Variants in EPB41L4A observed in about 807,000 individuals in gnomAD.
EPB41L4A encodes band 4.1-like protein 4A.
EPB41L4A carries 100 observed loss-of-function variants against 108.6 expected under a neutral mutation model. The observed-to-expected ratio is 0.92, with a 90% CI of 0.78 to 1.09. The LOEUF is 1.09. Among genes scored for constraint, EPB41L4A ranks in the 50% least tolerant of loss-of-function variants. The probability of loss-of-function intolerance (pLI) is 0.00; values close to 1 mark genes in which losing one functional copy is unlikely to be tolerated. For missense variants in EPB41L4A, 1,030 were observed against 842.7 expected (o/e 1.22, Z -2.75); for synonymous variants, 319 against 289.0 (o/e 1.10, Z -1.05).
At position 112,165,012 on chromosome 5, in the gene EPB41L4A, G is replaced by A. The variant is rs762850623; in HGVS notation, c.2039C>T (p.Ser680Phe). 5 of 1,613,794 alleles carry A rather than the reference G, an allele frequency of 3.1e-6. No homozygotes were observed. Among genetic ancestry groups the A allele is most frequent in the East Asian group, 2.2e-5 (1 of 44,858 alleles). The change falls in exon 23 of 23, where the codon TCC becomes TTC. Residue 680 changes from serine to phenylalanine, a missense_variant. Coordinates refer to ENST00000261486, the MANE Select transcript of EPB41L4A (RefSeq NM_022140.5). Reference sequence around the variant, plus strand: ...GGATCAAGTCTCTGTCTTGAGGCGGGAAGCTTGTATAGTTTTTATTGTTTT... The same window carrying A: ...GGATCAAGTCTCTGTCTTGAGGCGGAAAGCTTGTATAGTTTTTATTGTTTT... Reference protein sequence around the residue: ...TAKTIKTIQASRLKTET With the variant: ...TAKTIKTIQAFRLKTET
chr5:112,261,712 T>C lies in EPB41L4A; in HGVS notation c.642+782A>G, dbSNP rs186286914. ...AAAAATATTTCTATTAATGCAGTGA[T>C]ACCTACAGTAGGTGGTAACCTTCAT... On this transcript the variant is annotated intron_variant, in intron 7 of 22. Coordinates refer to ENST00000261486, the MANE Select transcript of EPB41L4A (RefSeq NM_022140.5). Among the ~76,000 whole-genome samples the C allele has an allele frequency of 7.8e-4, 119 of 152,314 alleles. 1 individual carries two copies. The highest frequency in any genetic ancestry group is 1.4e-3 in the Non-Finnish European group (96 of 68,010).
chr5:112,382,740 A>G (rs1760253871), intron 1 of EPB41L4A, among the ~76,000 whole-genome samples: 1 of 152,218 alleles, frequency 6.6e-6, no homozygotes, highest in South Asian at 2.1e-4. Flanking sequence ...GGGAGCAGCT[A>G]AAAGATACAG....
chr5:112,385,285 T>C (rs1760436831), intron 1 of EPB41L4A, among the ~76,000 whole-genome samples: 1 of 152,060 alleles, frequency 6.6e-6, no homozygotes, highest in East Asian at 1.9e-4. Context: ...AACACATAGA[T>C]TCAACTTGGG....
chr5:112,153,255 G>C (rs944902286), intron 12 of EPB41L4A, among the ~76,000 whole-genome samples: 3 of 151,652 alleles, frequency 2.0e-5, no homozygotes, highest in Non-Finnish European at 2.9e-5. Context: ...GCCGGGCATG[G>C]TGTCTCACGC....
chr5:112,380,157 C>A (rs1363435545), intron 1 of EPB41L4A, among the ~76,000 whole-genome samples: 1 of 152,112 alleles, frequency 6.6e-6, no homozygotes, highest in Non-Finnish European at 1.5e-5. Context: ...CACACAGGAG[C>A]AGTCAGAGGG....
At chr5:112,153,387 G>A (rs1412198086) in intron 12 of EPB41L4A, among the ~76,000 whole-genome samples, 1 of 151,662 alleles carries the variant, frequency 6.6e-6, no homozygotes, top group Non-Finnish European at 1.5e-5. Flanking sequence ...AAATTAGCCT[G>A]GCATGGTGGC....
chr5:112,364,113 T>C (rs442777), intron 1 of EPB41L4A, among the ~76,000 whole-genome samples: 125,800 of 152,196 alleles, frequency 0.83, 52,045 homozygotes, highest in South Asian at 0.93. Context: ...CTGCAAACTC[T>C]GCCTCCTGGG....
intron 12 of EPB41L4A, among the ~76,000 whole-genome samples, chr5:112,211,257 G>T (rs939244292): frequency 1.3e-5 from 2 of 152,106 alleles, no homozygotes; most frequent in Non-Finnish European, 2.9e-5. Context: ...AGTCAGTCTA[G>T]ATTAGGAGTC....
At chr5:112,374,242 T>C (rs527672534) in intron 1 of EPB41L4A, among the ~76,000 whole-genome samples, 7 of 152,300 alleles carry the variant, frequency 4.6e-5, no homozygotes, top group African/African-American at 1.7e-4. Flanking sequence ...TGACAGTGAT[T>C]GGGAGTGGAA....
chr5:112,401,307 C>A (rs1465343390), intron 1 of EPB41L4A, among the ~76,000 whole-genome samples: 1 of 152,208 alleles, frequency 6.6e-6, no homozygotes, highest in Non-Finnish European at 1.5e-5. Context: ...GCCATTTATC[C>A]TAATCATCAA....
At chr5:112,301,211 G>C (rs1400564118) in intron 2 of EPB41L4A, among the ~76,000 whole-genome samples, 1 of 152,046 alleles carries the variant, frequency 6.6e-6, no homozygotes, top group African/African-American at 2.4e-5. Context: ...TTTTTGGGTG[G>C]TGTTGAAGAA....
At chr5:112,419,421 G>T (rs1166087545), upstream of EPB41L4A, 1 of 357,088 alleles carries the variant, frequency 2.8e-6, no homozygotes, top group African/African-American at 2.2e-5. Context: ...AGGAGTGATG[G>T]GAATTCGAGG....
intron 1 of EPB41L4A, among the ~76,000 whole-genome samples, chr5:112,356,778 C>T (rs1372201298): frequency 6.6e-6 from 1 of 152,138 alleles, no homozygotes; most frequent in African/African-American, 2.4e-5. Context: ...AACACACATG[C>T]AAGCTTGATG....
intron 1 of EPB41L4A, among the ~76,000 whole-genome samples, chr5:112,354,941 G>A (rs534849277): frequency 7.9e-5 from 12 of 152,080 alleles, no homozygotes; most frequent in African/African-American, 2.7e-4. Context: ...GTGTAACTCT[G>A]GAAAGAAGTA....
intron 3 of EPB41L4A, among the ~76,000 whole-genome samples, chr5:112,278,015 T>G (rs940768931): frequency 2.0e-4 from 30 of 152,324 alleles, no homozygotes; most frequent in African/African-American, 6.5e-4. Flanking sequence ...TTTTGAGGTC[T>G]TTGATAAGGA....
In EPB41L4A at chr5:112,291,055, A is replaced by C. The variant is rs1478786956; in HGVS notation, c.205-10732T>G. On this transcript the variant is annotated intron_variant, in intron 2 of 22. Coordinates refer to ENST00000261486, the MANE Select transcript of EPB41L4A (RefSeq NM_022140.5). ...CTCCAGCCTACTCCCCTACTCCCCT[A>C]ATGTCTCTGGGATGTCAAATGGGTG... is the stretch of plus-strand genomic sequence containing the variant. 2.6e-5 allele frequency among the ~76,000 whole-genome samples: 4 copies of C among 152,138 alleles called. No homozygotes were observed. The East Asian group carries it at 7.7e-4, about 29-fold the overall frequency.
Position 112,178,650 on chromosome 5 carries a change from G to A in EPB41L4A, c.1622+5366C>T, listed in dbSNP as rs186423205. ...ATTTGTAGAAAATCCTGAAATATTT[G>A]GAAATTAAACACACAACTAAAAATG... On this transcript the variant is annotated intron_variant, in intron 18 of 22. Transcript: ENST00000261486. Among the ~76,000 whole-genome samples the A allele has an allele frequency of 1.5e-3, 229 of 151,148 alleles. 3 individuals carry two copies. The highest frequency in any genetic ancestry group is 2.7e-4 in the Non-Finnish European group (18 of 67,738).
At chr5:112,204,527 G>T (rs756248324) in intron 14 of EPB41L4A, 39 bp from the exon 15 acceptor site, 2 of 1,364,556 alleles carry the variant, frequency 1.5e-6, no homozygotes, top group Non-Finnish European at 2.1e-6. Context: ...AGCCCAGAGA[G>T]TTCCTGGGGG....
intron 13 of EPB41L4A, among the ~76,000 whole-genome samples, chr5:112,207,773 G>C (rs1481076319): frequency 6.6e-6 from 1 of 152,100 alleles, no homozygotes; most frequent in Non-Finnish European, 1.5e-5. Context: ...AAAAAATAAA[G>C]ATGTTGGCAA....
Sources: allele counts gnomAD v4.1 joint callset (sites outside exome capture counted in the v4.1 genomes callset), GRCh38; gene constraint gnomAD v4.1.1; transcripts MANE v1.5; gene names NCBI Gene and HGNC (gene_info 2026-07-23, HGNC 2026-07-21).